ZNF804B: variants seen among roughly 807,000 people sequenced by gnomAD.
ZNF804B encodes the protein zinc finger 804B.
Under a neutral mutation model 101.4 loss-of-function variants are expected in ZNF804B, and 80 were observed. That is an observed-to-expected ratio of 0.79 (90% confidence interval 0.66 to 0.95). The LOEUF (loss-of-function observed/expected upper bound fraction) is 0.95. Among genes scored for constraint, ZNF804B ranks in the 40% least tolerant of loss-of-function variants. The pLI, the probability that ZNF804B is intolerant of heterozygous loss-of-function variation, is 0.00. For missense variants in ZNF804B, 1,673 were observed against 1,561.9 expected, an observed-to-expected ratio of 1.07 and a Z score of -1.20; for synonymous variants, 622 against 558.8, an observed-to-expected ratio of 1.11 and a Z score of -1.59.
At chr7:89,216,290 A>T (rs577045500) in intron 1 of ZNF804B, among the ~76,000 whole-genome samples, 1 of 152,382 alleles carries the variant, frequency 6.6e-6, no homozygotes, top group African/African-American at 2.4e-5. Flanking sequence ...CCTGCACGAC[A>T]GAGTGAAACT....
intron 1 of ZNF804B, among the ~76,000 whole-genome samples, chr7:89,156,675 A>AT (rs1347375017): frequency 3.3e-5 from 5 of 152,002 alleles, no homozygotes; most frequent in Non-Finnish European, 7.4e-5. Context: ...CTCTGGAGCA[A>AT]TTTTTGTTAT....
At chr7:88,921,824 G>T (rs1001769081) in intron 1 of ZNF804B, among the ~76,000 whole-genome samples, 2 of 151,984 alleles carry the variant, frequency 1.3e-5, no homozygotes, top group Non-Finnish European at 2.9e-5. Context: ...CAAGATGTCA[G>T]GATCTAATTT....
At chr7:89,260,674 C>G (rs1024897425) in intron 2 of ZNF804B, among the ~76,000 whole-genome samples, 2 of 152,010 alleles carry the variant, frequency 1.3e-5, no homozygotes, top group African/African-American at 4.8e-5. Flanking sequence ...TTTCAGTAAA[C>G]GGTAAAACAA....
chr7:89,179,604 G>C (rs1057462853), intron 1 of ZNF804B, among the ~76,000 whole-genome samples: 1 of 152,062 alleles, frequency 6.6e-6, no homozygotes, highest in African/African-American at 2.4e-5. Context: ...CTGCCTGAAA[G>C]GTCACATATT....
intron 1 of ZNF804B, among the ~76,000 whole-genome samples, chr7:88,803,320 A>T (rs1387909767): frequency 6.6e-6 from 1 of 152,146 alleles, no homozygotes; most frequent in Non-Finnish European, 1.5e-5. Context: ...GAGAAGCTTC[A>T]CTCTGGGAAA....
chr7:88,962,792 TAAAA>T lies in ZNF804B; in HGVS notation c.108+202710_108+202713del, dbSNP rs531633445. On this transcript the variant is annotated intron_variant, in intron 1 of 3. Coordinates refer to ENST00000333190, the MANE Select transcript of ZNF804B (RefSeq NM_181646.5). ...TTACATAATTATAAATTTATAGTCT[TAAAA>T]AGAGAGAAAGCATTTCATTCAAACA... is the stretch of plus-strand genomic sequence containing the variant. Among the ~76,000 whole-genome samples the T allele has an allele frequency of 3.2e-3, 465 of 145,948 alleles. 3 individuals carry two copies. Among genetic ancestry groups the T allele is most frequent in the African/African-American group, 0.011 (452 of 40,190 alleles).
chr7:89,036,835 G>C (rs952522110), intron 1 of ZNF804B, among the ~76,000 whole-genome samples: 1 of 152,028 alleles, frequency 6.6e-6, no homozygotes, highest in Admixed American at 6.6e-5. Flanking sequence ...TTTGAATAAA[G>C]GGCCAATATT....
intron 1 of ZNF804B, among the ~76,000 whole-genome samples, chr7:89,217,821 A>G (rs1584061571): frequency 6.6e-6 from 1 of 152,140 alleles, no homozygotes; most frequent in South Asian, 2.1e-4. Flanking sequence ...TTTAAGGGAT[A>G]ATATCAGAAA....
intron 1 of ZNF804B, among the ~76,000 whole-genome samples, chr7:89,167,504 C>T (rs1273448250): frequency 6.8e-6 from 1 of 148,060 alleles, no homozygotes; most frequent in Non-Finnish European, 1.5e-5. Context: ...GCAGTTCAAA[C>T]TAGTGTTGTT....
chr7:88,922,893 A>G, intron 1 of ZNF804B, among the ~76,000 whole-genome samples: 1 of 152,016 alleles, frequency 6.6e-6, no homozygotes, highest in East Asian at 1.9e-4. Context: ...TATTCCTCTT[A>G]CATCTCTAAA....
At chr7:88,848,621 CTTTTTTTTT>C (rs35391874) in intron 1 of ZNF804B, among the ~76,000 whole-genome samples, 1 of 111,086 alleles carries the variant, frequency 9.0e-6, no homozygotes, top group Non-Finnish European at 2.0e-5. Flanking sequence ...AATGCATTTT[CTTTTTTTTT>C]TTTTTTTTTA....
At chr7:88,959,793 C>A (rs1441993923) in intron 1 of ZNF804B, among the ~76,000 whole-genome samples, 2 of 151,452 alleles carry the variant, frequency 1.3e-5, no homozygotes, top group African/African-American at 4.8e-5. Flanking sequence ...ACACTGTGGG[C>A]AGCAGCTTAA....
chr7:89,027,626 A>C (rs754525907), intron 1 of ZNF804B, among the ~76,000 whole-genome samples: 1 of 152,160 alleles, frequency 6.6e-6, no homozygotes, highest in Non-Finnish European at 1.5e-5. Context: ...TCCCTCTCTC[A>C]TTATGTATAG....
chr7:88,882,789 G>A (rs1012646205), intron 1 of ZNF804B, among the ~76,000 whole-genome samples: 3 of 152,102 alleles, frequency 2.0e-5, no homozygotes, highest in Non-Finnish European at 4.4e-5. Flanking sequence ...GCTTACAAGT[G>A]GGAGCTAAAC....
At chr7:89,101,904 C>T (rs1159419130) in intron 1 of ZNF804B, among the ~76,000 whole-genome samples, 1 of 151,872 alleles carries the variant, frequency 6.6e-6, no homozygotes, top group East Asian at 1.9e-4. Flanking sequence ...TTCCTTCCAT[C>T]TTTATCTACA....
At chr7:88,913,187 C>T (rs768296374) in intron 1 of ZNF804B, among the ~76,000 whole-genome samples, 1 of 151,942 alleles carries the variant, frequency 6.6e-6, no homozygotes, top group African/African-American at 2.4e-5. Flanking sequence ...TTTCACTTTG[C>T]TGTATGATTC....
chr7:89,063,804 T>C (rs1458717673), intron 1 of ZNF804B, among the ~76,000 whole-genome samples: 3 of 152,186 alleles, frequency 2.0e-5, no homozygotes, highest in South Asian at 2.1e-4. Flanking sequence ...TCTAGGCAAG[T>C]AGAATACACT....
chr7:88,912,282 G>A (rs1016319923), intron 1 of ZNF804B, among the ~76,000 whole-genome samples: 3 of 151,830 alleles, frequency 2.0e-5, no homozygotes, highest in Admixed American at 6.6e-5. Context: ...TTTCATTATT[G>A]ACTGTTAGGA....
At chr7:89,128,152 G>T (rs539232973) in intron 1 of ZNF804B, among the ~76,000 whole-genome samples, 1 of 151,542 alleles carries the variant, frequency 6.6e-6, no homozygotes, top group African/African-American at 2.4e-5. Flanking sequence ...ATTTTTTTTA[G>T]TATAAAATCT....
Sources: gnomAD v4.1 joint callset for allele counts (sites outside exome capture counted in the v4.1 genomes callset) on GRCh38, gnomAD v4.1.1 for gene constraint, MANE v1.5 for transcripts, NCBI Gene and HGNC (gene_info 2026-07-23, HGNC 2026-07-21) for gene names.